Variants in CDKAL1 observed in about 807,000 individuals in gnomAD.
CDKAL1 encodes the protein CDKAL1 threonylcarbamoyladenosine tRNA methylthiotransferase.
Under a neutral mutation model 68.2 loss-of-function variants are expected in CDKAL1, and 32 were observed. That is an observed-to-expected ratio of 0.47 (90% confidence interval 0.35 to 0.63). The LOEUF is 0.63. CDKAL1 is among the 30% of genes least tolerant of loss of function. CDKAL1 has a pLI of 0.00. For missense variants in CDKAL1, 606 were observed against 696.7 expected (o/e 0.87, Z 1.47); for synonymous variants, 234 against 244.3 (o/e 0.96, Z 0.39).
At chr6:20,836,528 G>T (rs1301177678) in intron 8 of CDKAL1, among the ~76,000 whole-genome samples, 1 of 152,116 alleles carries the variant, frequency 6.6e-6, no homozygotes, top group South Asian at 2.1e-4. Flanking sequence ...TCTTGGGATG[G>T]AAGTTCTCAG....
intron 9 of CDKAL1, among the ~76,000 whole-genome samples, chr6:20,882,714 G>T (rs1373098506): frequency 6.6e-6 from 1 of 152,134 alleles, no homozygotes; most frequent in African/African-American, 2.4e-5. Context: ...GTTGCTTGCA[G>T]TTTGGGGCAA....
chr6:20,870,093 T>C (rs2150539297), intron 9 of CDKAL1, among the ~76,000 whole-genome samples: 1 of 152,338 alleles, frequency 6.6e-6, no homozygotes, highest in African/African-American at 2.4e-5. Flanking sequence ...TCCATGAATG[T>C]TCCAAAAATG....
chr6:21,136,639 C>G (rs1482943277), intron 13 of CDKAL1, among the ~76,000 whole-genome samples: 1 of 152,150 alleles, frequency 6.6e-6, no homozygotes, highest in Non-Finnish European at 1.5e-5. Flanking sequence ...ATCTATTGCT[C>G]TTTCTCCTAA....
At chr6:20,574,165 A>T (rs1764821763) in intron 4 of CDKAL1, among the ~76,000 whole-genome samples, 1 of 152,202 alleles carries the variant, frequency 6.6e-6, no homozygotes, top group South Asian at 2.1e-4. Flanking sequence ...ATTGGAAAAT[A>T]AGCTTTTTAA....
At chr6:21,013,860 G>A (rs960431917) in intron 11 of CDKAL1, among the ~76,000 whole-genome samples, 2 of 152,242 alleles carry the variant, frequency 1.3e-5, no homozygotes, top group East Asian at 1.9e-4. Flanking sequence ...CAGTGTCTCA[G>A]ACAAGATAGA....
chr6:20,629,362 A>C (rs1767573823), intron 4 of CDKAL1, among the ~76,000 whole-genome samples: 1 of 152,142 alleles, frequency 6.6e-6, no homozygotes, highest in South Asian at 2.1e-4. Flanking sequence ...AACTTTGATC[A>C]GTTGATTAAG....
intron 13 of CDKAL1, among the ~76,000 whole-genome samples, chr6:21,169,754 A>G (rs9348459): frequency 0.053 from 8,073 of 152,292 alleles, 350 homozygotes; most frequent in South Asian, 0.21. Flanking sequence ...ATCGACTTAC[A>G]ATTCCACATG....
At chr6:20,625,036 T>C (rs9356742) in intron 4 of CDKAL1, among the ~76,000 whole-genome samples, 74,218 of 151,872 alleles carry the variant, frequency 0.49, 18,296 homozygotes, top group East Asian at 0.64. Flanking sequence ...CTAGCACATA[T>C]AATTCAAAAA....
chr6:20,591,664 C>T (rs1444976127), intron 4 of CDKAL1, among the ~76,000 whole-genome samples: 1 of 152,098 alleles, frequency 6.6e-6, no homozygotes, highest in Non-Finnish European at 1.5e-5. Context: ...TGAGCTTTGT[C>T]AAAGATCAGA....
chr6:20,833,479 T>C (rs938859224), intron 8 of CDKAL1, among the ~76,000 whole-genome samples: 2 of 152,148 alleles, frequency 1.3e-5, no homozygotes, highest in African/African-American at 2.4e-5. Flanking sequence ...AGATGATACA[T>C]AGATTATATA....
chr6:21,191,986 A>ATTTTTT (rs1562104779), intron 13 of CDKAL1, among the ~76,000 whole-genome samples: 1 of 23,330 alleles, frequency 4.3e-5, no homozygotes, highest in African/African-American at 1.6e-4. Flanking sequence ...TTTATAATTC[A>ATTTTTT]TTTTTCTTTT....
chr6:20,674,662 C>T (rs1314141908), intron 5 of CDKAL1, among the ~76,000 whole-genome samples: 2 of 152,162 alleles, frequency 1.3e-5, no homozygotes, highest in African/African-American at 4.8e-5. Flanking sequence ...CCCTACTGTG[C>T]TGTAGAACAC....
chr6:20,876,530 C>T (rs1209142054), intron 9 of CDKAL1, among the ~76,000 whole-genome samples: 1 of 152,136 alleles, frequency 6.6e-6, no homozygotes, highest in Non-Finnish European at 1.5e-5. Flanking sequence ...ATGCTTCATT[C>T]TAAGGATTAA....
intron 12 of CDKAL1, among the ~76,000 whole-genome samples, chr6:21,074,596 G>A (rs1485869859): frequency 1.3e-5 from 2 of 152,042 alleles, no homozygotes; most frequent in Non-Finnish European, 2.9e-5. Context: ...AAGCAAAAAT[G>A]GTGAAACTTG....
At chr6:20,671,336 A>G (rs1034446182) in intron 5 of CDKAL1, among the ~76,000 whole-genome samples, 2 of 151,668 alleles carry the variant, frequency 1.3e-5, no homozygotes, top group African/African-American at 4.8e-5. Context: ...CATGTCTCTT[A>G]TTGTTTATCT....
chr6:20,558,195 A>G (rs1764134502), intron 4 of CDKAL1, among the ~76,000 whole-genome samples: 1 of 152,222 alleles, frequency 6.6e-6, no homozygotes, highest in African/African-American at 2.4e-5. Flanking sequence ...GGTAACTCCC[A>G]ACAAAATAAA....
intron 15 of CDKAL1, among the ~76,000 whole-genome samples, chr6:21,210,965 T>G (rs572247157): frequency 6.6e-6 from 1 of 152,316 alleles, no homozygotes; most frequent in East Asian, 1.9e-4. Context: ...TGCTTCCTCA[T>G]GAAGCTTCCC....
intron 10 of CDKAL1, among the ~76,000 whole-genome samples, chr6:20,988,439 A>G (rs368812024): frequency 3.5e-4 from 53 of 152,240 alleles, no homozygotes; most frequent in African/African-American, 1.3e-3. Flanking sequence ...ATTCACAATC[A>G]TAGTAAGGAT....
chr6:21,102,095 A>T (rs1773603703), intron 12 of CDKAL1, among the ~76,000 whole-genome samples: 1 of 151,998 alleles, frequency 6.6e-6, no homozygotes, highest in Non-Finnish European at 1.5e-5. Context: ...TTTTTCCATT[A>T]TGTGTTCTAA....
Sources: gnomAD v4.1 joint callset for allele counts (sites outside exome capture counted in the v4.1 genomes callset) on GRCh38, gnomAD v4.1.1 for gene constraint, MANE v1.5 for transcripts, NCBI Gene and HGNC (gene_info 2026-07-23, HGNC 2026-07-21) for gene names.